Variants in ATP2C2 observed in about 807,000 individuals in gnomAD.
The protein encoded by ATP2C2 is calcium-transporting ATPase type 2C member 2.
ATP2C2 carries 171 observed loss-of-function variants against 110.8 expected under a neutral mutation model. The ratio of observed to expected loss-of-function variants is 1.54; its 90% CI spans 1.36 to 1.75. The LOEUF (loss-of-function observed/expected upper bound fraction) is 1.75, where lower values mean the gene tolerates loss of function less well. Ranked by LOEUF, ATP2C2 falls within the 40% of genes most tolerant of loss-of-function variation. The probability of loss-of-function intolerance (pLI) is 0.00; values close to 1 mark genes in which losing one functional copy is unlikely to be tolerated. For synonymous variants in ATP2C2, 804 were observed against 508.4 expected (o/e 1.58, Z -7.82); for missense variants, 1,963 against 1,235.0 (o/e 1.59, Z -8.84).
chr16:84,421,264 A>G (rs945101121), intron 7 of ATP2C2, among the ~76,000 whole-genome samples: 1 of 152,232 alleles, frequency 6.6e-6, no homozygotes, highest in Non-Finnish European at 1.5e-5. Flanking sequence ...GTGACTGCGC[A>G]GCCGGAGGCC....
chr16:84,460,720 C>T lies in ATP2C2; in HGVS notation c.2400C>T (p.Ile800=), dbSNP rs757287005. ...RQPPRSVRDT[I]LSRALILKIL... ...CACCACGGAGTGTGCGGGACACCAT[C>T]CTCAGCAGAGCCCTCATCCTGAAGA... Residue 800 remains isoleucine (I), a synonymous_variant, in exon 24 of 27, where the codon ATC becomes ATT. Transcript: ENST00000262429. The T allele has an allele frequency of 5.6e-6, 9 of 1,614,098 alleles. No individual in the cohort carries two copies. The highest frequency in any genetic ancestry group is 1.7e-5 in the Admixed American group (1 of 60,004).
At chr16:84,443,322 C>G (rs1193906685) in intron 15 of ATP2C2, among the ~76,000 whole-genome samples, 9 of 152,198 alleles carry the variant, frequency 5.9e-5, no homozygotes, top group African/African-American at 1.9e-4. Context: ...TGGCCTGGGT[C>G]CCTCCTCTTC....
intron 1 of ATP2C2, among the ~76,000 whole-genome samples, chr16:84,383,009 C>G (rs559808529): frequency 1.3e-5 from 2 of 152,062 alleles, no homozygotes. Context: ...AGGCAAGAGT[C>G]TACAGCTGGA....
intron 1 of ATP2C2, among the ~76,000 whole-genome samples, chr16:84,390,523 G>C (rs1480622768): frequency 6.6e-6 from 1 of 152,196 alleles, no homozygotes; most frequent in African/African-American, 2.4e-5. Flanking sequence ...ATAACATCTT[G>C]GGGGTTCCAA....
intron 24 of ATP2C2, chr16:84,461,463 A>G: frequency 1.7e-6 from 1 of 582,966 alleles, no homozygotes; most frequent in African/African-American, 1.9e-5. Flanking sequence ...TTCCTGGAGG[A>G]AGTGGTGTTT....
In ATP2C2 at chr16:84,368,637, G is replaced by A. The variant is rs866779041; in HGVS notation, c.22G>A (p.Glu8Lys). The change falls in exon 1 of 27, where the codon GAG (glutamate) becomes AAG (lysine). Residue 8 changes from glutamate to lysine, a missense_variant. Coordinates refer to ENST00000262429, the MANE Select transcript of ATP2C2 (RefSeq NM_014861.4). ...CACCATGGTCGAGGGACGCGTCTCC[G>A]AGTTCCTGAAGAAACTCGGCTTCTC... MVEGRVSEFLKKLGFSGG... is the reference protein window; with the variant it reads MVEGRVSKFLKKLGFSGG... 2 of 1,564,396 alleles carry A rather than the reference G, an allele frequency of 1.3e-6. No individual in the cohort carries two copies. The highest frequency in any genetic ancestry group is 1.7e-6 in the Non-Finnish European group (2 of 1,155,830).
chr16:84,461,095 C>T (rs1206702405), intron 24 of ATP2C2: 2 of 404,036 alleles, frequency 5.0e-6, no homozygotes, highest in Non-Finnish European at 8.9e-6. Flanking sequence ...GCCCCCTGTT[C>T]CCTTGTCACC....
chr16:84,447,318 A>G (rs998639946), intron 16 of ATP2C2, among the ~76,000 whole-genome samples: 1 of 152,194 alleles, frequency 6.6e-6, no homozygotes, highest in African/African-American at 2.4e-5. Flanking sequence ...AAAAACTTTT[A>G]GACCTTTAAA....
intron 10 of ATP2C2, 144 bp downstream of exon 10, chr16:84,423,407 A>C: frequency 2.7e-6 from 2 of 732,332 alleles, no homozygotes; most frequent in Non-Finnish European, 4.6e-6. Flanking sequence ...TCCACAAGCA[A>C]CAAGAGCTTT....
intron 1 of ATP2C2, among the ~76,000 whole-genome samples, chr16:84,375,913 G>C (rs1910223280): frequency 6.6e-6 from 1 of 152,110 alleles, no homozygotes; most frequent in Non-Finnish European, 1.5e-5. Context: ...GGGAGAGAAA[G>C]GATTGTGGGT....
At position 84,439,519 on chromosome 16, in the gene ATP2C2, G is replaced by T. The variant is rs1211014951; in HGVS notation, c.1204G>T (p.Ala402Ser). Residue 402 changes from alanine to serine, a missense_variant, in exon 13 of 27, where the codon GCC becomes TCC. Transcript: ENST00000262429. ...GCTTGTAACGTCAGATGGGCTTCGT[G>T]CCGAGGTGAGTGCCAAAGGAATTTA... ...TQLVTSDGLR[A>S]EVSGVGYDGQ... 1 of 1,614,152 alleles carries T rather than the reference G, an allele frequency of 6.2e-7. No homozygotes were observed. Among genetic ancestry groups the T allele is most frequent in the Non-Finnish European group, 8.5e-7 (1 of 1,179,994 alleles).
chr16:84,415,449 T>A (rs770164721), intron 6 of ATP2C2, 34 bp from the exon 7 acceptor site: 1 of 1,563,004 alleles, frequency 6.4e-7, no homozygotes, highest in Non-Finnish European at 8.8e-7. Flanking sequence ...AATGTCAGCA[T>A]GGATGCTTTT....
intron 1 of ATP2C2, among the ~76,000 whole-genome samples, chr16:84,394,340 C>A (rs1433395598): frequency 6.6e-6 from 1 of 152,058 alleles, no homozygotes; most frequent in African/African-American, 2.4e-5. Context: ...AAACCCTGTA[C>A]CCATTAGCAG....
chr16:84,462,327 C>T (rs1055572366), intron 26 of ATP2C2, 198 bp downstream of exon 26: 5 of 677,484 alleles, frequency 7.4e-6, no homozygotes, highest in African/African-American at 3.6e-5. Context: ...GCACAGAAAC[C>T]CCTAGGAAGA....
chr16:84,375,659 T>A (rs1454119392), intron 1 of ATP2C2, among the ~76,000 whole-genome samples: 1 of 152,192 alleles, frequency 6.6e-6, no homozygotes, highest in East Asian at 1.9e-4. Context: ...TTGCCCCTCA[T>A]GATGTATCAT....
intron 23 of ATP2C2, chr16:84,459,937 A>G: frequency 3.8e-6 from 1 of 264,632 alleles, no homozygotes; most frequent in South Asian, 4.9e-5. Flanking sequence ...CCCCTTCAAC[A>G]AGCTGGCCAA....
At chr16:84,462,215 A>C (rs1390475304) in intron 26 of ATP2C2, 86 bp downstream of exon 26, 2 of 1,540,270 alleles carry the variant, frequency 1.3e-6, no homozygotes, top group Admixed American at 3.8e-5. Flanking sequence ...GCAGCCCAGG[A>C]GGGGTCAGTG....
chr16:84,395,804 T>A (rs1036299935), intron 1 of ATP2C2, among the ~76,000 whole-genome samples: 1 of 152,148 alleles, frequency 6.6e-6, no homozygotes, highest in African/African-American at 2.4e-5. Flanking sequence ...CTGGCCCTTT[T>A]CTTCTGGATT....
chr16:84,412,823 C>T (rs1906496692), intron 6 of ATP2C2, among the ~76,000 whole-genome samples: 2 of 151,990 alleles, frequency 1.3e-5, no homozygotes, highest in African/African-American at 2.4e-5. Context: ...CAGCCGGGCG[C>T]GGTGGCTCAC....
Sources: allele counts gnomAD v4.1 joint callset (sites outside exome capture counted in the v4.1 genomes callset), GRCh38; gene constraint gnomAD v4.1.1; transcripts MANE v1.5; gene names NCBI Gene and HGNC (gene_info 2026-07-23, HGNC 2026-07-21).